Variants in ZC3H15 observed in about 807,000 individuals in gnomAD.
ZC3H15 encodes zinc finger CCCH-type containing 15.
Under a neutral mutation model 51.2 loss-of-function variants are expected in ZC3H15, and 15 were observed. The ratio of observed to expected loss-of-function variants is 0.29; its 90% CI spans 0.20 to 0.45. The LOEUF (loss-of-function observed/expected upper bound fraction) is 0.45. Among genes scored for constraint, ZC3H15 ranks in the 20% least tolerant of loss-of-function variants. The pLI is 1.00. For missense variants in ZC3H15, 381 were observed against 494.7 expected (o/e 0.77, Z 2.18); for synonymous variants, 144 against 162.8 (o/e 0.88, Z 0.88).
At chr2:186,488,021 C>A (rs529909012) in intron 1 of ZC3H15, among the ~76,000 whole-genome samples, 1 of 152,138 alleles carries the variant, frequency 6.6e-6, no homozygotes, top group South Asian at 2.1e-4. Context: ...AAAGAGAAAG[C>A]AATTTTAGTT....
rs748908184 is a variant in ZC3H15, at chr2:186,504,229, T to C, written c.717+15T>C. 1 of 1,543,444 alleles carries C rather than the reference T, an allele frequency of 6.5e-7. No homozygotes were observed. The highest frequency in any genetic ancestry group is 1.3e-5 in the South Asian group (1 of 79,386). ...TTGAGAGAGAGGTAACTGGTATCCT[T>C]TTCCTACCATAAAAACTGAAAGCAG... On this transcript the variant is annotated intron_variant, in intron 6 of 9. Coordinates refer to ENST00000337859, the MANE Select transcript of ZC3H15 (RefSeq NM_018471.3).
intron 1 of ZC3H15, among the ~76,000 whole-genome samples, chr2:186,491,518 C>T (rs1685199134): frequency 6.6e-6 from 1 of 152,156 alleles, no homozygotes; most frequent in Admixed American, 6.5e-5. Flanking sequence ...TCCTTGCTGT[C>T]CACCACTGTC....
At chr2:186,497,863 G>A (rs1242005517) in intron 2 of ZC3H15, among the ~76,000 whole-genome samples, 1 of 152,082 alleles carries the variant, frequency 6.6e-6, no homozygotes, top group Non-Finnish European at 1.5e-5. Context: ...CTGTGAACAT[G>A]GGGTACCTAC....
At chr2:186,503,945 T>C in intron 5 of ZC3H15, 87 bp from the exon 6 acceptor site, 1 of 1,062,004 alleles carries the variant, frequency 9.4e-7, no homozygotes, top group East Asian at 2.6e-5. Context: ...AACGTACTTG[T>C]GTGTATACTT....
chr2:186,505,623 ATTCT>A, intron 7 of ZC3H15, 26 bp downstream of exon 7: 4 of 1,597,082 alleles, frequency 2.5e-6, no homozygotes, highest in Non-Finnish European at 3.4e-6. Flanking sequence ...ACCCAAACTG[ATTCT>A]TTATTCTTCC....
chr2:186,492,702 A>G (rs996923775), intron 1 of ZC3H15, among the ~76,000 whole-genome samples: 21 of 152,194 alleles, frequency 1.4e-4, no homozygotes, highest in African/African-American at 4.6e-4. Flanking sequence ...GTTTTTAAAT[A>G]CTAATTGTTT....
At position 186,508,719 on chromosome 2, in the gene ZC3H15, G is replaced by A; in HGVS notation, c.1267G>A (p.Asp423Asn). 6.2e-7 allele frequency: 1 copy of A among 1,613,886 alleles called. No individual in the cohort carries two copies. Among genetic ancestry groups the A allele is most frequent in the Non-Finnish European group, 8.5e-7 (1 of 1,179,908 alleles). The change falls in exon 10 of 10, where the codon GAT becomes AAT. Residue 423 changes from aspartate to asparagine, a missense_variant. By Grantham distance (23) the Asp-to-Asn change is conservative (BLOSUM62 1). Coordinates refer to ENST00000337859, the MANE Select transcript of ZC3H15 (RefSeq NM_018471.3). ...ACTAGAAGAAGAATTAAATACACTT[G>A]ATTTAGAAGAATGACACCAAACACA... ...DELEEELNTLDLEE is the reference protein window; with the variant it reads ...DELEEELNTLNLEE
chr2:186,492,091 A>G (rs917381355), intron 1 of ZC3H15, among the ~76,000 whole-genome samples: 3 of 151,830 alleles, frequency 2.0e-5, no homozygotes, highest in Non-Finnish European at 2.9e-5. Context: ...CTGCTTTGCT[A>G]TTTGGCCTTA....
rs774406628 is a variant in ZC3H15 at position 186,508,720 on chromosome 2, AT to A, written c.1271del (p.Leu424Ter). The A allele has an allele frequency of 1.2e-6, 2 of 1,613,994 alleles. No homozygotes were observed. Among genetic ancestry groups the A allele is most frequent in the Non-Finnish European group, 1.7e-6 (2 of 1,179,924 alleles). On this transcript the variant is annotated frameshift_variant, in exon 10 of 10. Transcript: ENST00000337859. LOFTEE classifies it high-confidence loss of function. ...CTAGAAGAAGAATTAAATACACTTG[AT>A]TTAGAAGAATGACACCAAACACATC... ...DELEEELNTLDLEE is the reference protein window; with the variant it reads ...DELEEELNTLXLEE
intron 5 of ZC3H15, 133 bp from the exon 6 acceptor site, chr2:186,503,899 A>G (rs944308247): frequency 1.6e-6 from 1 of 626,174 alleles, no homozygotes; most frequent in African/African-American, 1.9e-5. Flanking sequence ...GAGCACCCTT[A>G]TGTGCAGAAA....
chr2:186,500,318 G>C, intron 3 of ZC3H15, 25 bp downstream of exon 3: 1 of 1,546,892 alleles, frequency 6.5e-7, no homozygotes, highest in Non-Finnish European at 8.8e-7. Flanking sequence ...TCAGAAGTGT[G>C]ATTTTTTATC....
chr2:186,495,299 C>A lies in ZC3H15; in HGVS notation c.142C>A (p.His48Asn). 1 of 1,549,472 alleles carries A rather than the reference C, an allele frequency of 6.5e-7. No homozygotes were observed. The change falls in exon 2 of 10, where the codon CAT becomes AAT. Residue 48 changes from histidine (H) to asparagine (N), a missense_variant. Coordinates refer to ENST00000337859, the MANE Select transcript of ZC3H15 (RefSeq NM_018471.3). ...ACAGAAGTTTATCAAGGCTGTCACA[C>A]ATCAAGTTAAATTTGGTCAACAAAA... ...KQQKFIKAVTHQVKFGQQNPR... is the reference protein window; with the variant it reads ...KQQKFIKAVTNQVKFGQQNPR...
chr2:186,491,878 G>A (rs547572730), intron 1 of ZC3H15, among the ~76,000 whole-genome samples: 1 of 152,088 alleles, frequency 6.6e-6, no homozygotes, highest in South Asian at 2.1e-4. Context: ...CTAACTTAGA[G>A]GTGAACACAA....
At chr2:186,486,629 T>C (rs141322154) in intron 1 of ZC3H15, among the ~76,000 whole-genome samples, 172 bp downstream of exon 1, 1 of 152,162 alleles carries the variant, frequency 6.6e-6, no homozygotes, top group Non-Finnish European at 1.5e-5. Context: ...CTCTCATTAC[T>C]ATAGTGACGC....
chr2:186,497,174 G>A (rs1374153484), intron 2 of ZC3H15: 1 of 424,204 alleles, frequency 2.4e-6, no homozygotes, highest in Non-Finnish European at 4.6e-6. Flanking sequence ...TTAACTTCTG[G>A]AAACACATTT....
At chr2:186,492,255 A>G (rs925741124) in intron 1 of ZC3H15, among the ~76,000 whole-genome samples, 1 of 152,188 alleles carries the variant, frequency 6.6e-6, no homozygotes, top group Non-Finnish European at 1.5e-5. Context: ...CTTTTTGTAA[A>G]GGAAAAGTAT....
chr2:186,487,696 G>A (rs1030377711), intron 1 of ZC3H15, among the ~76,000 whole-genome samples: 4 of 152,174 alleles, frequency 2.6e-5, no homozygotes, highest in African/African-American at 4.8e-5. Context: ...AATTTCAGGG[G>A]TTGCTGATCG....
At chr2:186,492,138 G>A (rs1303299743) in intron 1 of ZC3H15, among the ~76,000 whole-genome samples, 2 of 152,174 alleles carry the variant, frequency 1.3e-5, no homozygotes, top group African/African-American at 4.8e-5. Flanking sequence ...TACAGATGGA[G>A]CATGGGTTGA....
intron 1 of ZC3H15, 152 bp downstream of exon 1, chr2:186,486,609 G>A (rs1175711247): frequency 2.8e-6 from 2 of 716,198 alleles, no homozygotes; most frequent in Non-Finnish European, 4.1e-6. Context: ...AGCCCCTGAT[G>A]ACGCTAGCTC....
Sources: allele counts gnomAD v4.1 joint callset (sites outside exome capture counted in the v4.1 genomes callset), GRCh38; gene constraint gnomAD v4.1.1; transcripts MANE v1.5; gene names NCBI Gene and HGNC (gene_info 2026-07-23, HGNC 2026-07-21).